The following LNX2 variants were observed in gnomAD, a reference collection of about 807,000 sequenced individuals.
LNX2 encodes the protein ligand of numb-protein X 2.
A neutral mutation model predicts 66.2 loss-of-function variants in LNX2; 35 were observed. That is an observed-to-expected ratio of 0.53 (90% confidence interval 0.40 to 0.70). The LOEUF is 0.70. Among genes scored for constraint, LNX2 ranks in the 30% least tolerant of loss-of-function variants. The pLI is 0.00. For synonymous variants in LNX2, 337 were observed against 315.6 expected, an observed-to-expected ratio of 1.07 and a Z score of -0.72; for missense variants, 791 against 850.8, an observed-to-expected ratio of 0.93 and a Z score of 0.87.
intron 1 of LNX2, among the ~76,000 whole-genome samples, chr13:27,596,091 G>A (rs946106103): frequency 2.0e-5 from 3 of 152,198 alleles, no homozygotes; most frequent in East Asian, 3.9e-4. Context: ...GGCTTGAACT[G>A]CATGGGTTCA....
intron 4 of LNX2, among the ~76,000 whole-genome samples, chr13:27,563,755 T>C (rs187161568): frequency 2.0e-4 from 30 of 152,290 alleles, no homozygotes; most frequent in African/African-American, 7.2e-4. Flanking sequence ...AAATCCACAT[T>C]AGGCAAGACT....
intron 1 of LNX2, among the ~76,000 whole-genome samples, chr13:27,607,424 C>T (rs548542678): frequency 6.6e-5 from 10 of 152,256 alleles, no homozygotes; most frequent in Admixed American, 5.2e-4. Context: ...CTAATAAGCT[C>T]GGTTACAAAC....
chr13:27,589,265 T>C (rs1453758904), intron 1 of LNX2, among the ~76,000 whole-genome samples: 3 of 152,238 alleles, frequency 2.0e-5, no homozygotes, highest in Admixed American at 6.5e-5. Flanking sequence ...TTTAGCTGCA[T>C]AGAAATATTT....
chr13:27,620,232 G>A (rs1440310383), intron 1 of LNX2, 143 bp downstream of exon 1: 1 of 152,110 alleles, frequency 6.6e-6, no homozygotes, highest in African/African-American at 2.4e-5. Context: ...AAGGACCAAG[G>A]CTCCGGGGCG....
At chr13:27,568,951 G>GA in intron 3 of LNX2, 78 bp downstream of exon 3, 1 of 1,414,394 alleles carries the variant, frequency 7.1e-7, no homozygotes, top group Non-Finnish European at 9.4e-7. Flanking sequence ...CTTTAAAGAT[G>GA]AAAAAAGTAC....
At chr13:27,609,338 G>C (rs955607250) in intron 1 of LNX2, among the ~76,000 whole-genome samples, 2 of 151,756 alleles carry the variant, frequency 1.3e-5, no homozygotes, top group Admixed American at 6.6e-5. Flanking sequence ...TTTTCTAGTA[G>C]AGACAGAGTT....
chr13:27,548,963 C>A (rs1036404215), intron 9 of LNX2, among the ~76,000 whole-genome samples: 5 of 152,058 alleles, frequency 3.3e-5, no homozygotes, highest in Non-Finnish European at 7.4e-5. Context: ...ACCTTTCCAG[C>A]CTTATAATTA....
intron 4 of LNX2, among the ~76,000 whole-genome samples, chr13:27,566,526 A>G (rs1381948405): frequency 6.6e-6 from 1 of 152,220 alleles, no homozygotes; most frequent in Non-Finnish European, 1.5e-5. Context: ...TAGATTAATC[A>G]GTCTGGACTT....
At chr13:27,579,802 A>G (rs376808380) in intron 2 of LNX2, among the ~76,000 whole-genome samples, 44 of 152,346 alleles carry the variant, frequency 2.9e-4, no homozygotes, top group African/African-American at 1.1e-3. Flanking sequence ...TTCTTCAGCC[A>G]TAACTAGTCC....
chr13:27,601,020 G>C (rs1345137534), intron 1 of LNX2, among the ~76,000 whole-genome samples: 1 of 152,156 alleles, frequency 6.6e-6, no homozygotes, highest in Non-Finnish European at 1.5e-5. Flanking sequence ...AAACAACCCG[G>C]AAGAGTCTTA....
At position 27,562,523 on chromosome 13, in the gene LNX2, C is replaced by T; in HGVS notation, c.1114G>A (p.Gly372Arg). 5.0e-6 allele frequency: 8 copies of T among 1,614,176 alleles called. No homozygotes were observed. The highest frequency in any genetic ancestry group is 5.9e-6 in the Non-Finnish European group (7 of 1,180,026). ...PGVFILDLLEGGLAAQDGRLS... is the reference protein window; with the variant it reads ...PGVFILDLLERGLAAQDGRLS... ...CTGCCGTCCTGGGCAGCCAACCCCC[C>T]TTCCAACAGGTCAAGAATAAAAACC... is the stretch of plus-strand genomic sequence containing the variant. Residue 372 changes from glycine (G) to arginine (R), a missense_variant, in exon 5 of 10, where the codon GGG (glycine) becomes AGG (arginine). By Grantham distance (125) the Gly-to-Arg change is moderately radical. Transcript: ENST00000316334.
intron 1 of LNX2, among the ~76,000 whole-genome samples, chr13:27,594,930 T>A (rs566062731): frequency 1.3e-5 from 2 of 152,192 alleles, no homozygotes; most frequent in Non-Finnish European, 2.9e-5. Context: ...CTGTCCTACC[T>A]TCCGTCACAA....
At chr13:27,560,565 G>GTGTATATATATATATATATATA (rs35007288) in intron 5 of LNX2, among the ~76,000 whole-genome samples, 17 of 120,006 alleles carry the variant, frequency 1.4e-4, no homozygotes, top group African/African-American at 4.3e-4. Context: ...ATGTATGTGT[G>GTGTATATATATATATATATATA]TATATATATA....
chr13:27,620,739 G>C (rs972146694), upstream of LNX2: 3 of 152,768 alleles, frequency 2.0e-5, no homozygotes, highest in African/African-American at 7.2e-5. Flanking sequence ...GTTAGAGTGA[G>C]ACCACTCCGC....
chr13:27,594,820 C>G (rs955342903), intron 1 of LNX2, among the ~76,000 whole-genome samples: 12 of 152,270 alleles, frequency 7.9e-5, no homozygotes, highest in African/African-American at 2.6e-4. Context: ...GATTCCACCT[C>G]CAGAATGTGG....
At chr13:27,584,195 T>C (rs1955458198) in intron 1 of LNX2, among the ~76,000 whole-genome samples, 1 of 152,186 alleles carries the variant, frequency 6.6e-6, no homozygotes, top group Non-Finnish European at 1.5e-5. Context: ...AATAACAAAA[T>C]TCTCCAATCA....
intron 1 of LNX2, among the ~76,000 whole-genome samples, chr13:27,582,118 C>A (rs1243864844): frequency 3.9e-5 from 6 of 152,150 alleles, no homozygotes; most frequent in Non-Finnish European, 8.8e-5. Flanking sequence ...CAACCTCTGC[C>A]TTCCAGGCTC....
chr13:27,553,472 G>A (rs142917679), intron 7 of LNX2, 33 bp from the exon 8 acceptor site: 5 of 1,551,058 alleles, frequency 3.2e-6, no homozygotes, highest in African/African-American at 2.7e-5. Context: ...AAAATGAGCT[G>A]AGCCACTGAG....
intron 1 of LNX2, among the ~76,000 whole-genome samples, chr13:27,613,767 CA>C (rs1425525651): frequency 1.3e-5 from 2 of 151,460 alleles, no homozygotes; most frequent in African/African-American, 4.9e-5. Flanking sequence ...GACGCAGTCT[CA>C]AAAAAATAAA....
Sources: allele counts gnomAD v4.1 joint callset (sites outside exome capture counted in the v4.1 genomes callset), GRCh38; gene constraint gnomAD v4.1.1; transcripts MANE v1.5; gene names NCBI Gene and HGNC (gene_info 2026-07-23, HGNC 2026-07-21).